The following ALDH6A1 variants were observed in gnomAD, a reference collection of about 807,000 sequenced individuals.
The protein encoded by ALDH6A1 is aldehyde dehydrogenase 6 family member A1.
ALDH6A1 carries 43 observed loss-of-function variants against 62.6 expected under a neutral mutation model. The observed-to-expected ratio is 0.69, with a 90% CI of 0.54 to 0.89. The LOEUF (loss-of-function observed/expected upper bound fraction) is 0.89. ALDH6A1 is among the 40% of genes least tolerant of loss of function. ALDH6A1 has a pLI of 0.00. For missense variants in ALDH6A1, 551 were observed against 661.3 expected (o/e 0.83, Z 1.83); for synonymous variants, 194 against 234.2 (o/e 0.83, Z 1.57).
Position 74,067,470 on chromosome 14 carries a change from T to C in ALDH6A1, c.952A>G (p.Met318Val), listed in dbSNP as rs1415314155. 6 of 1,614,096 alleles carry C rather than the reference T, an allele frequency of 3.7e-6. No homozygotes were observed. Among genetic ancestry groups the C allele is most frequent in the Non-Finnish European group, 5.1e-6 (6 of 1,180,060 alleles). The change falls in exon 8 of 12, where the codon ATG becomes GTG. Residue 318 changes from methionine (M) to valine (V), a missense_variant. Transcript: ENST00000553458. ...ACAAGGACTGCTGTTGAAAGAGCCATGCAGCGCTGACCAGCAGCTCCAAAT... is the reference window on the plus strand; with the variant it reads ...ACAAGGACTGCTGTTGAAAGAGCCACGCAGCGCTGACCAGCAGCTCCAAAT... ...AAFGAAGQRCMALSTAVLVGE... is the reference protein window; with the variant it reads ...AAFGAAGQRCVALSTAVLVGE...
At chr14:74,062,146 G>A (rs1011993480) in intron 11 of ALDH6A1, among the ~76,000 whole-genome samples, 6 of 149,874 alleles carry the variant, frequency 4.0e-5, no homozygotes, top group Non-Finnish European at 7.4e-5. Flanking sequence ...CAAGTGAGCC[G>A]AGAATGCACC....
At chr14:74,072,735 G>T in intron 2 of ALDH6A1, 124 bp from the exon 3 acceptor site, 1 of 1,099,522 alleles carries the variant, frequency 9.1e-7, no homozygotes, top group Non-Finnish European at 1.3e-6. Flanking sequence ...GGAATCTTCT[G>T]GTCTTTAGAA....
intron 1 of ALDH6A1, 120 bp downstream of exon 1, chr14:74,084,227 G>A: frequency 6.9e-7 from 1 of 1,452,554 alleles, no homozygotes; most frequent in Non-Finnish European, 9.5e-7. Context: ...AGGTCGGGTA[G>A]GAGGTCTGGC....
intron 1 of ALDH6A1, among the ~76,000 whole-genome samples, chr14:74,076,430 C>T (rs943108553): frequency 2.0e-4 from 30 of 151,982 alleles, no homozygotes; most frequent in Non-Finnish European, 3.2e-4. Flanking sequence ...GGCATGATCT[C>T]GGCTCACTGC....
intron 2 of ALDH6A1, 113 bp from the exon 3 acceptor site, chr14:74,072,724 C>G (rs62005118): frequency 1.7e-6 from 2 of 1,199,738 alleles, no homozygotes; most frequent in East Asian, 2.5e-5. Context: ...AAGTTGATAA[C>G]GGAATCTTCT....
chr14:74,064,943 CAT>C, intron 10 of ALDH6A1, 23 bp from the exon 11 acceptor site: 1 of 1,601,624 alleles, frequency 6.2e-7, no homozygotes, highest in East Asian at 2.2e-5. Context: ...AAATCCGTGT[CAT>C]ATCCTAAGGA....
chr14:74,065,275 A>G lies in ALDH6A1; in HGVS notation c.1310T>C (p.Ile437Thr). The G allele has an allele frequency of 6.2e-7, 1 of 1,614,124 alleles. No homozygotes were observed. Among genetic ancestry groups the G allele is most frequent in the Non-Finnish European group, 8.5e-7 (1 of 1,180,014 alleles). ...ETETLDEAIQ[I>T]VNNNPYGNGT... is the part of the protein sequence containing the mutation. ...ATTTCCATATGGGTTGTTATTTACA[A>G]TCTGGATGGCTTCATCCAATGTTTC... is the stretch of plus-strand genomic sequence containing the variant. The change falls in exon 10 of 12, where the codon ATT (isoleucine) becomes ACT (threonine). Residue 437 changes from isoleucine to threonine, a missense_variant. Coordinates refer to ENST00000553458, the MANE Select transcript of ALDH6A1 (RefSeq NM_005589.4).
At chr14:74,060,812 T>C in intron 11 of ALDH6A1, 66 bp from the exon 12 acceptor site, 1 of 1,172,738 alleles carries the variant, frequency 8.5e-7, no homozygotes, top group Non-Finnish European at 1.3e-6. Context: ...TTTAATTAGC[T>C]TTTGAAGGAG....
Position 74,078,385 on chromosome 14 carries a change from G to A in ALDH6A1, c.49-3368C>T, listed in dbSNP as rs960405807. The stretch of plus-strand genomic sequence containing the variant: ...CTTTTTTTTTTTGAGATAGGGTCTC[G>A]TCCTGTCTCCTAGGCTGGAATGCAG... On this transcript the variant is annotated intron_variant, in intron 1 of 11. Transcript: ENST00000553458. The A allele has an allele frequency of 1.6e-5, 6 of 378,794 alleles. 1 individual carries two copies. The Middle Eastern group carries it at 1.2e-3, about 73-fold the overall frequency. 23.5% of individuals were successfully genotyped at this position (378,794 alleles called of 1,614,324 possible).
chr14:74,081,955 C>T (rs924241602), intron 1 of ALDH6A1, among the ~76,000 whole-genome samples: 1 of 152,062 alleles, frequency 6.6e-6, no homozygotes, highest in Non-Finnish European at 1.5e-5. Context: ...GCCTGTAGTC[C>T]CAACACTTTG....
chr14:74,065,737 G>T, intron 9 of ALDH6A1: 1 of 214,944 alleles, frequency 4.7e-6, no homozygotes, highest in Non-Finnish European at 9.5e-6. Context: ...AAATATACCA[G>T]GATAATTTTT....
intron 1 of ALDH6A1, among the ~76,000 whole-genome samples, chr14:74,083,847 G>A (rs1017093602): frequency 6.6e-6 from 1 of 152,216 alleles, no homozygotes; most frequent in African/African-American, 2.4e-5. Flanking sequence ...TTCATACACT[G>A]ACCCTCGCCC....
At chr14:74,075,408 G>A (rs1030423039) in intron 1 of ALDH6A1, among the ~76,000 whole-genome samples, 18 of 152,234 alleles carry the variant, frequency 1.2e-4, no homozygotes, top group African/African-American at 3.6e-4. Context: ...TGTAATCTCA[G>A]CACTTTGGGA....
At chr14:74,077,010 G>GGGT (rs1202105520) in intron 1 of ALDH6A1, among the ~76,000 whole-genome samples, 4 of 152,140 alleles carry the variant, frequency 2.6e-5, no homozygotes, top group Non-Finnish European at 4.4e-5. Context: ...GCTGCATGAA[G>GGGT]GGTGCCTGCA....
intron 1 of ALDH6A1, chr14:74,082,842 A>G (rs1336007827): frequency 6.6e-6 from 1 of 152,208 alleles, no homozygotes; most frequent in Non-Finnish European, 1.5e-5. Context: ...TCTGTTTCTG[A>G]AATAAAAGTA....
chr14:74,079,316 G>A (rs962164659), intron 1 of ALDH6A1, among the ~76,000 whole-genome samples: 2 of 151,674 alleles, frequency 1.3e-5, no homozygotes, highest in South Asian at 4.1e-4. Context: ...GCGCAATCTC[G>A]GCTCACTGCA....
chr14:74,068,771 G>C, intron 7 of ALDH6A1, 89 bp downstream of exon 7: 1 of 1,438,424 alleles, frequency 7.0e-7, no homozygotes, highest in Non-Finnish European at 9.7e-7. Flanking sequence ...ACATTGGAGT[G>C]GGATGAGTGG....
At position 74,057,134 on chromosome 14, in the gene ALDH6A1, A is replaced by G; in HGVS notation, c.*3508T>C. On this transcript the variant is annotated 3_prime_UTR_variant, in exon 12 of 12. Coordinates refer to ENST00000553458, the MANE Select transcript of ALDH6A1 (RefSeq NM_005589.4). ...TTGTTGACGGTTCTGTTATTTTGTC[A>G]TTATTGCAGGGATGAAAGTAAGCTT... The G allele has an allele frequency of 1.2e-6, 2 of 1,606,904 alleles. No individual in the cohort carries two copies. Among genetic ancestry groups the G allele is most frequent in the South Asian group, 1.1e-5 (1 of 90,558 alleles).
chr14:74,078,113 A>G, intron 1 of ALDH6A1: 1 of 443,556 alleles, frequency 2.3e-6, no homozygotes, highest in South Asian at 1.6e-5. Flanking sequence ...ACTCTTTGCT[A>G]TTCCACAACT....
Sources: allele counts gnomAD v4.1 joint callset (sites outside exome capture counted in the v4.1 genomes callset), GRCh38; gene constraint gnomAD v4.1.1; transcripts MANE v1.5; gene names NCBI Gene and HGNC (gene_info 2026-07-23, HGNC 2026-07-21).